Variants in PRKCH observed in about 807,000 individuals in gnomAD.
The protein encoded by PRKCH is protein kinase C eta type.
A neutral mutation model predicts 82.5 loss-of-function variants in PRKCH; 28 were observed. The observed-to-expected ratio is 0.34, with a 90% CI of 0.25 to 0.47. The LOEUF is 0.47. Ranked by LOEUF, PRKCH falls within the 20% of genes least tolerant of loss-of-function variation. The probability of loss-of-function intolerance (pLI) is 1.00; values close to 1 mark genes in which losing one functional copy is unlikely to be tolerated. For missense variants in PRKCH, 705 were observed against 881.8 expected (o/e 0.80, Z 2.54); for synonymous variants, 322 against 327.4 (o/e 0.98, Z 0.18).
At chr14:61,323,151 ACTC>A (rs2140118353) in intron 1 of PRKCH, among the ~76,000 whole-genome samples, 1 of 151,692 alleles carries the variant, frequency 6.6e-6, no homozygotes, top group African/African-American at 2.4e-5. Context: ...GGCTGTAAGG[ACTC>A]CTCAGGAGGT....
At position 61,424,853 on chromosome 14, in the gene PRKCH, C is replaced by G. The variant is rs548851554; in HGVS notation, c.428-18258C>G. ...GGACTGGGCCCAGGACCCTGCTGCT[C>G]TGTGCAGCCTAGGACTTAGTACCCT... On this transcript the variant is annotated intron_variant, in intron 2 of 13. Transcript: ENST00000332981. Among the ~76,000 whole-genome samples, 15 of 152,348 alleles carry G rather than the reference C, an allele frequency of 9.8e-5. No homozygotes were observed. In the East Asian group the frequency reaches 2.9e-3, roughly 29 times the overall value.
Position 61,321,785 on chromosome 14 carries a change from C to T in PRKCH, c.-317C>T, listed in dbSNP as rs562787540. 8.3e-6 allele frequency: 2 copies of T among 241,428 alleles called. No homozygotes were observed. The highest frequency in any genetic ancestry group is 6.9e-5 in the South Asian group (1 of 14,566). 15.0% of individuals were successfully genotyped at this position (241,428 alleles called of 1,614,324 possible). ...CGGCTCTCCAGGGAGAGGAGCTGCC[C>T]GGCCCTGGAGAAGGGGCGAGTCCTG... On this transcript the variant is annotated 5_prime_UTR_variant, in exon 1 of 14. Coordinates refer to ENST00000332981, the MANE Select transcript of PRKCH (RefSeq NM_006255.5). This position sits in a 1 kb window ranked among gnomAD's most constrained non-coding sequence, Gnocchi z 4.1.
At chr14:61,228,885 A>T (rs567048898) in intron 1 of PRKCH, among the ~76,000 whole-genome samples, 42 of 151,442 alleles carry the variant, frequency 2.8e-4, no homozygotes, top group East Asian at 2.2e-3. Flanking sequence ...TTTAAAAAAA[A>T]TTTTTTTTAA....
intron 1 of PRKCH, among the ~76,000 whole-genome samples, chr14:61,255,114 C>T (rs2044986639): frequency 6.6e-6 from 1 of 152,192 alleles, no homozygotes; most frequent in African/African-American, 2.4e-5. Context: ...AGTTGTGAAC[C>T]CAGAATAGCA....
intron 2 of PRKCH, among the ~76,000 whole-genome samples, chr14:61,441,604 C>A (rs777285241): frequency 3.3e-5 from 5 of 152,150 alleles, no homozygotes; most frequent in Non-Finnish European, 7.4e-5. Context: ...TCCTCTGCCC[C>A]ATTTTTACTG....
chr14:61,338,707 A>G (rs1262844777), intron 1 of PRKCH, among the ~76,000 whole-genome samples: 2 of 152,146 alleles, frequency 1.3e-5, no homozygotes, highest in Non-Finnish European at 2.9e-5. Context: ...TTAAGTTGCC[A>G]TTTAAACTCA....
chr14:61,475,433 T>A (rs1885688157), intron 9 of PRKCH, among the ~76,000 whole-genome samples: 2 of 152,306 alleles, frequency 1.3e-5, no homozygotes, highest in Admixed American at 1.3e-4. Context: ...CACTAGGGGG[T>A]GCTCTAAAGG....
intron 10 of PRKCH, among the ~76,000 whole-genome samples, chr14:61,513,201 G>C (rs997961428): frequency 2.0e-5 from 3 of 152,166 alleles, no homozygotes; most frequent in African/African-American, 7.2e-5. Context: ...CACTCAAGGG[G>C]TGTATGAATA....
chr14:61,219,773 A>G (rs894242873), intron 1 of PRKCH, among the ~76,000 whole-genome samples: 1 of 152,230 alleles, frequency 6.6e-6, no homozygotes, highest in African/African-American at 2.4e-5. Context: ...TCAGCTTTAT[A>G]ACGAAGCTTC....
chr14:61,280,391 A>G lies in PRKCH; in HGVS notation c.-19+92723A>G, dbSNP rs2140092109. ...GTGGGCAGCGCCGCCGTGCGCATCC[A>G]CACCACGAAGTCCTGATTGATGAAG... On this transcript the variant is annotated intron_variant, in intron 1 of 3. Transcript: ENST00000555185. The surrounding 1 kb of genome is among the most constrained non-coding windows in gnomAD (Gnocchi z 5.0). 6.2e-7 allele frequency: 1 copy of G among 1,614,004 alleles called. No homozygotes were observed. The highest frequency in any genetic ancestry group is 2.2e-5 in the East Asian group (1 of 44,862).
In PRKCH at chr14:61,550,116, A is replaced by C. The variant is rs2043308274; in HGVS notation, c.*285A>C. 1.0e-5 allele frequency: 3 copies of C among 288,978 alleles called. No individual in the cohort carries two copies. The East Asian group carries it at 1.8e-4, about 17-fold the overall frequency. The allele number at this position is 288,978 out of a possible 1,614,324, so 17.9% of individuals were successfully genotyped here. On this transcript the variant is annotated 3_prime_UTR_variant, in exon 14 of 14. Transcript: ENST00000332981. ...TGGGCTTGGGATGTTAACAGGAGCCAAAAGGAGGGAAAGTGTGAAGAATAA... is the reference window on the plus strand; with the variant it reads ...TGGGCTTGGGATGTTAACAGGAGCCCAAAGGAGGGAAAGTGTGAAGAATAA...
chr14:61,216,400 G>T (rs957948638), intron 1 of PRKCH, among the ~76,000 whole-genome samples: 13 of 152,002 alleles, frequency 8.6e-5, no homozygotes, highest in African/African-American at 3.1e-4. Context: ...GGGTGGGGTT[G>T]GTGGGGTTGC....
At chr14:61,525,493 C>T (rs745604243) in intron 10 of PRKCH, among the ~76,000 whole-genome samples, 4 of 152,148 alleles carry the variant, frequency 2.6e-5, no homozygotes, top group Non-Finnish European at 2.9e-5. Flanking sequence ...TGCCCACTTG[C>T]GTCTTCTGAG....
chr14:61,222,694 A>T (rs1195561753), intron 1 of PRKCH, among the ~76,000 whole-genome samples: 1 of 152,214 alleles, frequency 6.6e-6, no homozygotes, highest in Non-Finnish European at 1.5e-5. Flanking sequence ...GAAATGTATC[A>T]TGAGGTAGTC....
At chr14:61,443,042 C>T in intron 2 of PRKCH, 69 bp from the exon 3 acceptor site, 2 of 1,448,844 alleles carry the variant, frequency 1.4e-6, no homozygotes, top group Admixed American at 4.1e-5. Flanking sequence ...AACTATCAAA[C>T]TTTCTCATCT....
At chr14:61,534,837 C>T (rs940131385) in intron 12 of PRKCH, among the ~76,000 whole-genome samples, 2 of 152,070 alleles carry the variant, frequency 1.3e-5, no homozygotes, top group Non-Finnish European at 2.9e-5. Context: ...CTATAGTGCC[C>T]GCTTCAAATA....
intron 10 of PRKCH, among the ~76,000 whole-genome samples, chr14:61,513,966 G>A (rs2042784872): frequency 6.6e-6 from 1 of 152,120 alleles, no homozygotes; most frequent in African/African-American, 2.4e-5. Context: ...CCAGAAAGGT[G>A]ACAGAGCTAA....
intron 1 of PRKCH, among the ~76,000 whole-genome samples, chr14:61,212,431 C>T (rs931520390): frequency 2.0e-5 from 3 of 152,190 alleles, no homozygotes; most frequent in African/African-American, 7.2e-5. Flanking sequence ...ATCAGTAATA[C>T]ATAGACATGC....
rs185799572 is a variant in PRKCH at position 61,189,495 on chromosome 14, A to T, written c.-19+1827A>T. ...CCTTTATTGCTAACAGACTGCACTG[A>T]AATGTTATCTCTCTCTCTCTCTCTC... On this transcript the variant is annotated intron_variant, in intron 1 of 3. Transcript: ENST00000555185. 8.6e-3 allele frequency among the ~76,000 whole-genome samples: 1,249 copies of T among 145,098 alleles called. 15 individuals carry two copies. The highest frequency in any genetic ancestry group is 0.03 in the African/African-American group (1,183 of 39,352).
Sources: gnomAD v4.1 joint callset for allele counts (sites outside exome capture counted in the v4.1 genomes callset) on GRCh38, gnomAD v4.1.1 for gene constraint, Gnocchi (gnomAD v3.1) non-coding constraint, MANE v1.5 for transcripts, NCBI Gene and HGNC (gene_info 2026-07-23, HGNC 2026-07-21) for gene names.